CRLF2: variants seen among roughly 807,000 people sequenced by gnomAD.
CRLF2 encodes the protein cytokine receptor like factor 2.
In CRLF2, 41 loss-of-function variants were observed where a neutral mutation model predicts 38.7. The ratio of observed to expected loss-of-function variants is 1.06; its 90% CI spans 0.83 to 1.37. The LOEUF (loss-of-function observed/expected upper bound fraction) is 1.37, where lower values mean the gene tolerates loss of function less well. Among genes scored for constraint, CRLF2 ranks in the 40% most tolerant of loss-of-function variants. The probability of loss-of-function intolerance (pLI) is 0.00; values close to 1 mark genes in which losing one functional copy is unlikely to be tolerated. For synonymous variants in CRLF2, 140 were observed against 128.8 expected, an observed-to-expected ratio of 1.09 and a Z score of -0.59; for missense variants, 377 against 322.2, an observed-to-expected ratio of 1.17 and a Z score of -1.30.
At chrX:1,197,178 C>T (rs781663825) in intron 5 of CRLF2, among the ~76,000 whole-genome samples, 17 of 150,518 alleles carry the variant, frequency 1.1e-4, no homozygotes, top group East Asian at 7.8e-4. Context: ...CTGCAACCTC[C>T]GTCTCCCGGA....
intron 2 of CRLF2, 136 bp from the exon 3 acceptor site, chrX:1,206,735 C>T: frequency 1.3e-6 from 1 of 748,064 alleles, no homozygotes; most frequent in Admixed American, 2.6e-5. Flanking sequence ...CTCTGCCTCC[C>T]GGGTTCAAGC....
In CRLF2 at chrX:1,196,920, C is replaced by A. The variant is rs768939607; in HGVS notation, c.647-20G>T. ...AGGCATCTGAAACAAAATGAAAAGG[C>A]GGCTGTCAGTTTTCAACATGACGTG... is the stretch of plus-strand genomic sequence containing the variant. On this transcript the variant is annotated intron_variant, in intron 5 of 7. Transcript: ENST00000400841. 3.0e-5 allele frequency: 49 copies of A among 1,609,956 alleles called. No homozygotes were observed. The East Asian group carries it at 1.0e-3, about 34-fold the overall frequency.
At chrX:1,197,550 T>TC (rs1199460244) in intron 5 of CRLF2, among the ~76,000 whole-genome samples, 2 of 152,146 alleles carry the variant, frequency 1.3e-5, no homozygotes, top group East Asian at 3.9e-4. Flanking sequence ...GCGCGGTGGC[T>TC]CACGCCTTTA....
At chrX:1,197,446 C>T (rs1247995673) in intron 5 of CRLF2, among the ~76,000 whole-genome samples, 12 of 152,030 alleles carry the variant, frequency 7.9e-5, no homozygotes, top group Non-Finnish European at 7.4e-5. Flanking sequence ...CTTCTGGTTG[C>T]TGGAGGTGTT....
At chrX:1,207,899 C>T (rs2086721293) in intron 2 of CRLF2, among the ~76,000 whole-genome samples, 1 of 152,160 alleles carries the variant, frequency 6.6e-6, no homozygotes, top group South Asian at 2.1e-4. Context: ...ATCCACCCAC[C>T]TCGGTCTCCC....
intron 4 of CRLF2, among the ~76,000 whole-genome samples, chrX:1,199,934 G>T (rs866056517): frequency 0.51 from 76,015 of 150,218 alleles, 19,618 homozygotes; most frequent in East Asian, 0.68. Flanking sequence ...GTGTATGTAA[G>T]GTGTGTATAT....
Position 1,209,293 on chromosome X carries a change from A to AG in CRLF2, c.80-386_80-385insC, listed in dbSNP as rs1319695931. On this transcript the variant is annotated intron_variant, in intron 1 of 7. Transcript: ENST00000400841. ...ATTGTATTGCATTGTATTGCATTGT[A>AG]TTGTAGTGTAGTGTAGTGTAGTGTA... Among the ~76,000 whole-genome samples, 218 of 135,224 alleles carry AG rather than the reference A, an allele frequency of 1.6e-3. 2 individuals are homozygous for AG. The highest frequency in any genetic ancestry group is 4.4e-3 in the African/African-American group (149 of 34,252). 88.7% of individuals were successfully genotyped at this position (135,224 alleles called of 152,430 possible).
At position 1,202,481 on chromosome X, in the gene CRLF2, G is replaced by A. The variant is rs763354527; in HGVS notation, c.404C>T (p.Thr135Met). 26 of 1,613,658 alleles carry A rather than the reference G, an allele frequency of 1.6e-5. No homozygotes were observed. Among genetic ancestry groups the A allele is most frequent in the Middle Eastern group, 1.7e-4 (1 of 6,056 alleles). The change falls in exon 4 of 8, where the codon ACG becomes ATG. Residue 135 changes from threonine (T) to methionine (M), a missense_variant. Physicochemically the swap from Thr to Met is moderately conservative, Grantham distance 81. Coordinates refer to ENST00000400841, the MANE Select transcript of CRLF2 (RefSeq NM_022148.4). Reference protein sequence around the residue: ...VRFSWHQDAVTVTCSDLSYGD... With the variant: ...VRFSWHQDAVMVTCSDLSYGD... ...GTAGGACAGGTCAGAACACGTCACC[G>A]TCACTGCATCCTGATGCCACGAAAA...
intron 2 of CRLF2, among the ~76,000 whole-genome samples, chrX:1,206,942 CTTTTTTTTTTT>C (rs766628411): frequency 8.6e-6 from 1 of 115,692 alleles, no homozygotes; most frequent in African/African-American, 3.4e-5. Context: ...ACCACACCGG[CTTTTTTTTTTT>C]TTTTTTTTTT....
chrX:1,197,041 T>C, intron 5 of CRLF2, 141 bp from the exon 6 acceptor site: 2 of 692,168 alleles, frequency 2.9e-6, no homozygotes, highest in Non-Finnish European at 4.5e-6. Flanking sequence ...TCGTTGTTTG[T>C]TTTTTGTTTT....
chrX:1,208,699 G>A (rs2086734054), intron 2 of CRLF2, 107 bp downstream of exon 2: 3 of 770,548 alleles, frequency 3.9e-6, no homozygotes, highest in Non-Finnish European at 4.7e-6. Context: ...GGCTTGCACA[G>A]TCTGATGCTT....
At chrX:1,211,357 G>GTGGGTGGA (rs1378450778) in intron 1 of CRLF2, among the ~76,000 whole-genome samples, 33 of 46,532 alleles carry the variant, frequency 7.1e-4, no homozygotes, top group Non-Finnish European at 1.1e-3. Context: ...GGGTGGATGG[G>GTGGGTGGA]TGGATGGATG....
intron 1 of CRLF2, among the ~76,000 whole-genome samples, chrX:1,211,014 AGT>A (rs1201895311): frequency 3.2e-4 from 45 of 142,246 alleles, no homozygotes; most frequent in Non-Finnish European, 5.8e-4. Context: ...AGTGGATGAA[AGT>A]GTGGGTGAAT....
chrX:1,203,258 G>A (rs1419607189), intron 3 of CRLF2, among the ~76,000 whole-genome samples: 4 of 152,130 alleles, frequency 2.6e-5, no homozygotes, highest in Non-Finnish European at 5.9e-5. Flanking sequence ...CAGACACAGA[G>A]GAGGAGGCCA....
At chrX:1,195,793 TATTTA>T (rs2086462944) in intron 6 of CRLF2, among the ~76,000 whole-genome samples, 3 of 107,258 alleles carry the variant, frequency 2.8e-5, no homozygotes, top group Non-Finnish European at 5.4e-5. Context: ...ATTTTATATA[TATTTA>T]TATATTATAT....
chrX:1,208,952 A>G (rs1569472978), intron 1 of CRLF2, 44 bp from the exon 2 acceptor site: 2 of 1,041,338 alleles, frequency 1.9e-6, no homozygotes, highest in Non-Finnish European at 2.9e-6. Flanking sequence ...AGGCAACTCT[A>G]TTTTTTTATT....
rs1445126494 is a variant in CRLF2, at chrX:1,208,804, A to T, written c.182+2T>A. On this transcript the variant is annotated splice_donor_variant, in intron 2 of 7. Coordinates refer to ENST00000400841, the MANE Select transcript of CRLF2 (RefSeq NM_022148.4). LOFTEE classifies it high-confidence loss of function. ...GGGGTTCGCTTTCTGGGGGCCACTT[A>T]CCTGTAGTGGAAAGTCAGGTTGGTC... 6 of 1,581,112 alleles carry T rather than the reference A, an allele frequency of 3.8e-6. No homozygotes were observed. The highest frequency in any genetic ancestry group is 5.2e-6 in the Non-Finnish European group (6 of 1,150,246).
At chrX:1,205,535 A>C (rs1303908423) in intron 3 of CRLF2, among the ~76,000 whole-genome samples, 1 of 151,846 alleles carries the variant, frequency 6.6e-6, no homozygotes, top group Non-Finnish European at 1.5e-5. Flanking sequence ...CTTGCTTTTC[A>C]GTACTTATGG....
chrX:1,209,375 A>G (rs1280665391), intron 1 of CRLF2, among the ~76,000 whole-genome samples: 6 of 150,918 alleles, frequency 4.0e-5, no homozygotes, highest in African/African-American at 9.7e-5. Flanking sequence ...TCTGTCACCC[A>G]GGCTGGACTG....
Sources: gnomAD v4.1 joint callset for allele counts (sites outside exome capture counted in the v4.1 genomes callset) on GRCh38, gnomAD v4.1.1 for gene constraint, MANE v1.5 for transcripts, NCBI Gene and HGNC (gene_info 2026-07-23, HGNC 2026-07-21) for gene names.